HDAC8: variants seen among roughly 807,000 people sequenced by gnomAD.
HDAC8 encodes histone deacetylase-like 1.
In HDAC8, 1 loss-of-function variant was observed where a neutral mutation model predicts 32.2. That is an observed-to-expected ratio of 0.03 (90% CI 0.01 to 0.15). The LOEUF is 0.15. Ranked by LOEUF, HDAC8 falls within the 10% of genes least tolerant of loss-of-function variation. The pLI is 1.00. For synonymous variants in HDAC8, 108 were observed against 113.9 expected, an observed-to-expected ratio of 0.95 and a Z score of 0.33; for missense variants, 117 against 300.0, an observed-to-expected ratio of 0.39 and a Z score of 4.51.
chrX:72,512,500 C>G (rs1049100255), intron 4 of HDAC8, among the ~76,000 whole-genome samples: 5 of 112,012 alleles, frequency 4.5e-5, no homozygotes, highest in Non-Finnish European at 9.4e-5. Context: ...TCTCCACCTT[C>G]AACCATCTAG....
intron 7 of HDAC8, among the ~76,000 whole-genome samples, chrX:72,476,906 CAG>C (rs2050266874): frequency 9.0e-6 from 1 of 111,617 alleles, no homozygotes; most frequent in South Asian, 3.8e-4. Flanking sequence ...TCCCCAAAGG[CAG>C]AGAGAAATTT....
intron 9 of HDAC8, among the ~76,000 whole-genome samples, chrX:72,377,802 A>C (rs1170294543): frequency 1.8e-5 from 2 of 111,595 alleles, no homozygotes; most frequent in African/African-American, 3.3e-5. Flanking sequence ...AATCATTTAC[A>C]TTTAATATAA....
rs549411405 is a variant in HDAC8, at chrX:72,416,408, G to GTTT, written c.1005+45593_1005+45595dup. On this transcript the variant is annotated intron_variant, in intron 9 of 10. Transcript: ENST00000373573. ...GATATTGGAAATTTGTGTCTTCTCT[G>GTTT]TTTTTTTTTTTTTTTTTTTTTTTTT... is the stretch of plus-strand genomic sequence containing the variant. Among the ~76,000 whole-genome samples the GTTT allele has an allele frequency of 1.4e-3, 5 of 3,693 alleles. 2 individuals are homozygous for GTTT. Among genetic ancestry groups the GTTT allele is most frequent in the Admixed American group, 0.012 (2 of 163 alleles). The allele number at this position is 3,693 out of a possible 115,157, so 3.2% of individuals were successfully genotyped here.
In HDAC8 at chrX:72,351,723, C is replaced by A. The variant is rs373892213; in HGVS notation, c.1111+10G>T. 1.1e-4 allele frequency: 134 copies of A among 1,174,280 alleles called. No individual in the cohort carries two copies. Among genetic ancestry groups the A allele is most frequent in the Non-Finnish European group, 1.4e-4 (122 of 863,156 alleles). ...AACAAGGAGGGCAGGCCTCGAGGGGCGGTGCTCACCTTTGATGTAGTTGAG... is the reference window on the plus strand; with the variant it reads ...AACAAGGAGGGCAGGCCTCGAGGGGAGGTGCTCACCTTTGATGTAGTTGAG... On this transcript the variant is annotated intron_variant, in intron 10 of 10. Coordinates refer to ENST00000373573, the MANE Select transcript of HDAC8 (RefSeq NM_018486.3).
At chrX:72,560,955 T>C (rs1045406360) in intron 4 of HDAC8, among the ~76,000 whole-genome samples, 3 of 110,871 alleles carry the variant, frequency 2.7e-5, no homozygotes, top group East Asian at 2.8e-4. Flanking sequence ...GAATGTAGTT[T>C]ACTAATAAAA....
chrX:72,456,763 C>A, intron 9 of HDAC8, among the ~76,000 whole-genome samples: 1 of 111,276 alleles, frequency 9.0e-6, no homozygotes. Flanking sequence ...TGCACCACTG[C>A]ACTCCAGCCT....
At chrX:72,528,364 A>T (rs1179246769) in intron 4 of HDAC8, among the ~76,000 whole-genome samples, 1 of 112,139 alleles carries the variant, frequency 8.9e-6, no homozygotes, top group Non-Finnish European at 1.9e-5. Context: ...CTGTCATGAG[A>T]CTGAAAAATT....
chrX:72,487,033 G>A, intron 7 of HDAC8, among the ~76,000 whole-genome samples: 1 of 111,891 alleles, frequency 8.9e-6, no homozygotes, highest in Non-Finnish European at 1.9e-5. Context: ...ACAGGCAAAG[G>A]GGCCCTGGGA....
At chrX:72,379,743 C>A (rs1229457571) in intron 9 of HDAC8, among the ~76,000 whole-genome samples, 4 of 110,776 alleles carry the variant, frequency 3.6e-5, no homozygotes, top group African/African-American at 1.3e-4. Context: ...CTCAGGTGAT[C>A]CACCTGCCTC....
chrX:72,534,637 C>T (rs1556038094), intron 4 of HDAC8, among the ~76,000 whole-genome samples: 1 of 111,251 alleles, frequency 9.0e-6, no homozygotes, highest in Non-Finnish European at 1.9e-5. Flanking sequence ...AAAAGAAGTG[C>T]AAGACTTGTA....
intron 9 of HDAC8, among the ~76,000 whole-genome samples, chrX:72,427,499 A>G (rs1555975847): frequency 9.3e-6 from 1 of 108,075 alleles, no homozygotes; most frequent in African/African-American, 3.4e-5. Context: ...TCTCAAGGAC[A>G]TAAAACCAAA....
At chrX:72,505,780 TA>T (rs1293706305) in intron 4 of HDAC8, among the ~76,000 whole-genome samples, 101 of 104,818 alleles carry the variant, frequency 9.6e-4, no homozygotes, top group African/African-American at 2.0e-3. Context: ...AGACTCTGTT[TA>T]AAAAAAAAAA....
chrX:72,427,671 C>T (rs1555975993), intron 9 of HDAC8, among the ~76,000 whole-genome samples: 1 of 106,679 alleles, frequency 9.4e-6, no homozygotes, highest in African/African-American at 3.4e-5. Flanking sequence ...GTGCAGCACA[C>T]CAACATGGCA....
chrX:72,369,727 C>G (rs2044812666), intron 9 of HDAC8, among the ~76,000 whole-genome samples: 1 of 112,567 alleles, frequency 8.9e-6, no homozygotes, highest in African/African-American at 3.2e-5. Context: ...AAGGCTGTGC[C>G]TACTGGAGCA....
At chrX:72,555,438 G>A (rs1244619438) in intron 4 of HDAC8, among the ~76,000 whole-genome samples, 2 of 112,017 alleles carry the variant, frequency 1.8e-5, no homozygotes, top group African/African-American at 6.5e-5. Context: ...TCAGAAGGTC[G>A]ATTATTAAGC....
intron 4 of HDAC8, among the ~76,000 whole-genome samples, chrX:72,505,054 A>G (rs1335878979): frequency 9.1e-6 from 1 of 109,707 alleles, no homozygotes; most frequent in Non-Finnish European, 1.9e-5. Flanking sequence ...TTAAATTTTT[A>G]ATCTTTTAAA....
intron 4 of HDAC8, 47 bp downstream of exon 4, chrX:72,567,842 A>C (rs781801905): frequency 1.7e-6 from 2 of 1,211,511 alleles, no homozygotes; most frequent in South Asian, 3.5e-5. Flanking sequence ...ATAACTGAGA[A>C]ACTGACTCAA....
At chrX:72,472,114 C>T (rs1294818830) in intron 7 of HDAC8, among the ~76,000 whole-genome samples, 1 of 106,056 alleles carries the variant, frequency 9.4e-6, no homozygotes, top group Non-Finnish European at 1.9e-5. Context: ...GTCGCCCAGG[C>T]TGGAGTGCAG....
intron 9 of HDAC8, among the ~76,000 whole-genome samples, chrX:72,384,914 C>G (rs2045379256): frequency 9.0e-6 from 1 of 111,665 alleles, no homozygotes; most frequent in Admixed American, 9.5e-5. Context: ...CATTTAGATA[C>G]CTTATCTTGG....
Sources: allele counts gnomAD v4.1 joint callset (sites outside exome capture counted in the v4.1 genomes callset), GRCh38; gene constraint gnomAD v4.1.1; transcripts MANE v1.5; gene names NCBI Gene and HGNC (gene_info 2026-07-23, HGNC 2026-07-21).